The following CUL7 variants were observed in gnomAD, a reference collection of about 807,000 sequenced individuals.
CUL7 encodes the protein cullin-7.
A neutral mutation model predicts 177.7 loss-of-function variants in CUL7; 96 were observed. The ratio of observed to expected loss-of-function variants is 0.54; its 90% CI spans 0.46 to 0.64. The LOEUF (loss-of-function observed/expected upper bound fraction) is 0.64. CUL7 is among the 30% of genes least tolerant of loss of function. The pLI is 0.00. For missense variants in CUL7, 1,893 were observed against 2,187.9 expected, an observed-to-expected ratio of 0.87 and a Z score of 2.69; for synonymous variants, 824 against 890.2, an observed-to-expected ratio of 0.93 and a Z score of 1.32.
Position 43,040,621 on chromosome 6 carries a change from GAGGTGCTC to G in CUL7, c.3924_3931del (p.Ser1309Ter). Reference sequence around the variant, plus strand: ...GTGGAACTGGCGCTGCAGCTCCTTAGAGGTGCTCAGGCTCTGCAACATCTGCTGGGGGA... The same window carrying G: ...GTGGAACTGGCGCTGCAGCTCCTTAGAGGCTCTGCAACATCTGCTGGGGGA... On this transcript the variant is annotated frameshift_variant, in exon 21 of 26. Coordinates refer to ENST00000265348, the MANE Select transcript of CUL7 (RefSeq NM_014780.5). LOFTEE classifies it high-confidence loss of function. The surrounding 1 kb of genome is among the most constrained non-coding windows in gnomAD (Gnocchi z 4.2). 1 of 1,614,230 alleles carries G rather than the reference GAGGTGCTC, an allele frequency of 6.2e-7. No homozygotes were observed. The highest frequency in any genetic ancestry group is 8.5e-7 in the Non-Finnish European group (1 of 1,180,046).
chr6:43,051,633 G>A lies in CUL7; in HGVS notation c.711C>T (p.Phe237=), dbSNP rs200593675. 2.2e-5 allele frequency: 36 copies of A among 1,614,030 alleles called. No homozygotes were observed. In the South Asian group the frequency reaches 3.1e-4, roughly 14 times the overall value. The change falls in exon 3 of 26, where the codon TTC becomes TTT. Residue 237 remains phenylalanine, a synonymous_variant. Coordinates refer to ENST00000265348, the MANE Select transcript of CUL7 (RefSeq NM_014780.5). The surrounding 1 kb of genome is among the most constrained non-coding windows in gnomAD (Gnocchi z 5.0). ...TTACCTGTGGTAGCTGAATGCCCTCGAAAGACATGGGGTGTTCAGAGAGCG... is the reference window on the plus strand; with the variant it reads ...TTACCTGTGGTAGCTGAATGCCCTCAAAAGACATGGGGTGTTCAGAGAGCG... ...QATLSEHPMS[F]EGIQLPQVPG...
rs530051007 is a variant in CUL7, at chr6:43,049,486, A to G, written c.1746T>C (p.Leu582=). ...ALAGNQAYPS[L]LEAQEDVLLL... is the part of the protein sequence containing the mutation. Reference sequence around the variant, plus strand: ...GGAGGACATCTTCTTGGGCTTCTAGAAGGGATGGGTAGGCTTGGTTCCCTG... The same window carrying G: ...GGAGGACATCTTCTTGGGCTTCTAGGAGGGATGGGTAGGCTTGGTTCCCTG... The change falls in exon 7 of 26, where the codon CTT becomes CTC. Residue 582 remains leucine (L), a synonymous_variant. Transcript: ENST00000265348. The G allele has an allele frequency of 5.3e-5, 85 of 1,614,178 alleles. 1 individual carries two copies. The South Asian group carries it at 9.1e-4, about 17-fold the overall frequency.
rs755059267 is a variant in CUL7 at position 43,052,844 on chromosome 6, G to T, written c.-8-48C>A. The T allele has an allele frequency of 6.4e-7, 1 of 1,567,916 alleles. No individual in the cohort carries two copies. The highest frequency in any genetic ancestry group is 8.6e-7 in the Non-Finnish European group (1 of 1,160,484). On this transcript the variant is annotated intron_variant, in intron 1 of 25. Transcript: ENST00000265348. This position sits in a 1 kb window ranked among gnomAD's most constrained non-coding sequence, Gnocchi z 4.5. ...AACAGACAAGCTAGAGGAAGGAGAGGTCAGAAAATCAAAGATATCCAGGAG... is the reference window on the plus strand; with the variant it reads ...AACAGACAAGCTAGAGGAAGGAGAGTTCAGAAAATCAAAGATATCCAGGAG...
Position 43,045,204 on chromosome 6 carries a change from C to T in CUL7, c.3038+23G>A, listed in dbSNP as rs1379406765. The T allele has an allele frequency of 1.2e-6, 2 of 1,610,058 alleles. No individual in the cohort carries two copies. Among genetic ancestry groups the T allele is most frequent in the African/African-American group, 2.7e-5 (2 of 74,774 alleles). On this transcript the variant is annotated intron_variant, in intron 15 of 25. Coordinates refer to ENST00000265348, the MANE Select transcript of CUL7 (RefSeq NM_014780.5). The surrounding 1 kb of genome is among the most constrained non-coding windows in gnomAD (Gnocchi z 4.8). ...GCCTTACCTTTCCCACAGACACAAG[C>T]ATACACGCACACTCTCACACACCTA...
At position 43,043,618 on chromosome 6, in the gene CUL7, A is replaced by G; in HGVS notation, c.3185T>C (p.Ile1062Thr). The G allele has an allele frequency of 6.2e-7, 1 of 1,606,496 alleles. No individual in the cohort carries two copies. Among genetic ancestry groups the G allele is most frequent in the Non-Finnish European group, 8.5e-7 (1 of 1,175,672 alleles). The change falls in exon 17 of 26, where the codon ATT (isoleucine) becomes ACT (threonine). Residue 1062 changes from isoleucine to threonine, a missense_variant. Coordinates refer to ENST00000265348, the MANE Select transcript of CUL7 (RefSeq NM_014780.5). The surrounding 1 kb of genome is among the most constrained non-coding windows in gnomAD (Gnocchi z 4.2). ...QNITSPDEDG[I>T]SPLGWLLDQY... is the part of the protein sequence containing the mutation. The stretch of plus-strand genomic sequence containing the variant: ...GTCCAGCAGCCAACCCAGGGGGCTA[A>G]TGCCATCCTCATCTAGAGGGTGAGA...
chr6:43,040,307 G>A lies in CUL7; in HGVS notation c.4143C>T (p.Tyr1381=). 6.2e-7 allele frequency: 1 copy of A among 1,614,070 alleles called. No individual in the cohort carries two copies. The highest frequency in any genetic ancestry group is 8.5e-7 in the Non-Finnish European group (1 of 1,180,022). ...EEEEEENEDL[Y]YEGAMPEVSV... The stretch of plus-strand genomic sequence containing the variant: ...ACACTTCTGGCATTGCCCCTTCATA[G>A]TAGAGGTCCTCATTCTCCTCCTCTT... The change falls in exon 22 of 26, where the codon TAC becomes TAT. Residue 1381 remains tyrosine (Y), a synonymous_variant. Transcript: ENST00000265348. The surrounding 1 kb of genome is among the most constrained non-coding windows in gnomAD (Gnocchi z 4.2).
chr6:43,040,479 G>A lies in CUL7; in HGVS notation c.4023+51C>T, dbSNP rs141784862. 425 of 1,612,476 alleles carry A rather than the reference G, an allele frequency of 2.6e-4. No individual in the cohort carries two copies. In the African/African-American group the frequency reaches 5.1e-3, roughly 19 times the overall value. On this transcript the variant is annotated intron_variant, in intron 21 of 25. Coordinates refer to ENST00000265348, the MANE Select transcript of CUL7 (RefSeq NM_014780.5). This position sits in a 1 kb window ranked among gnomAD's most constrained non-coding sequence, Gnocchi z 4.2. ...CATGGCCTCCTCCAGTCTGCTCCAC[G>A]CCCCTCTTCCCCCTACCCTCTTATT... is the stretch of plus-strand genomic sequence containing the variant.
chr6:43,042,345 CT>C (rs1423561645), intron 19 of CUL7, among the ~76,000 whole-genome samples: 1 of 151,258 alleles, frequency 6.6e-6, no homozygotes, highest in South Asian at 2.1e-4. Context: ...TTGTTTTTTT[CT>C]TTTTTTTGAG....
rs1764296344 is a variant in CUL7, at chr6:43,050,453, G to A, written c.1234-55C>T. On this transcript the variant is annotated intron_variant, in intron 4 of 25. Coordinates refer to ENST00000265348, the MANE Select transcript of CUL7 (RefSeq NM_014780.5). This position sits in a 1 kb window ranked among gnomAD's most constrained non-coding sequence, Gnocchi z 4.1. The stretch of plus-strand genomic sequence containing the variant: ...GGAAGGGAGGACTCACAAATGACTG[G>A]CTGTGGCCCAGTACTGAGGACTATA... 1 of 1,608,322 alleles carries A rather than the reference G, an allele frequency of 6.2e-7. No homozygotes were observed. The highest frequency in any genetic ancestry group is 8.5e-7 in the Non-Finnish European group (1 of 1,177,046).
In CUL7 at chr6:43,051,534, C is replaced by A; in HGVS notation, c.733-66G>T. On this transcript the variant is annotated intron_variant, in intron 3 of 25. Coordinates refer to ENST00000265348, the MANE Select transcript of CUL7 (RefSeq NM_014780.5). This position sits in a 1 kb window ranked among gnomAD's most constrained non-coding sequence, Gnocchi z 5.0. ...GTTTAAGCCCCTCTCTCCATACCATCCTCTGCAGATAGGTGCAAAGGCCTG... is the reference window on the plus strand; with the variant it reads ...GTTTAAGCCCCTCTCTCCATACCATACTCTGCAGATAGGTGCAAAGGCCTG... 1 of 1,613,906 alleles carries A rather than the reference C, an allele frequency of 6.2e-7. No individual in the cohort carries two copies. The highest frequency in any genetic ancestry group is 8.5e-7 in the Non-Finnish European group (1 of 1,179,886).
rs1469785626 is a variant in CUL7 at position 43,040,445 on chromosome 6, C to T, written c.4024-19G>A. ...GGCCCACCTGAAGGAGCACAGGGTT[C>T]CCAGATGCCATGGCCTCCTCCAGTC... is the stretch of plus-strand genomic sequence containing the variant. On this transcript the variant is annotated intron_variant, in intron 21 of 25. Coordinates refer to ENST00000265348, the MANE Select transcript of CUL7 (RefSeq NM_014780.5). This position sits in a 1 kb window ranked among gnomAD's most constrained non-coding sequence, Gnocchi z 4.2. 6.2e-7 allele frequency: 1 copy of T among 1,612,232 alleles called. No individual in the cohort carries two copies. Among genetic ancestry groups the T allele is most frequent in the South Asian group, 1.1e-5 (1 of 91,086 alleles).
At chr6:43,042,337 G>GTTTTT (rs990850609) in intron 19 of CUL7, among the ~76,000 whole-genome samples, 9 of 151,626 alleles carry the variant, frequency 5.9e-5, no homozygotes, top group African/African-American at 1.9e-4. Flanking sequence ...GGGTTTTTTT[G>GTTTTT]TTTTTTTCTT....
rs1337736988 is a variant in CUL7, at chr6:43,038,638, T to A, written c.4495A>T (p.Asn1499Tyr). Residue 1499 changes from asparagine (N) to tyrosine (Y), a missense_variant, in exon 24 of 26, where the codon AAT becomes TAT. Transcript: ENST00000265348. ...AFSGLSADML[N>Y]QAIGPLTSSR... is the part of the protein sequence containing the mutation. ...GAGGTGAGGGGCCCAATCGCCTGAT[T>A]GAGCATGTCTGCGGAGAGCCCTGAG... 6.2e-7 allele frequency: 1 copy of A among 1,614,014 alleles called. No individual in the cohort carries two copies. Among genetic ancestry groups the A allele is most frequent in the South Asian group, 1.1e-5 (1 of 91,066 alleles).
rs777984752 is a variant in CUL7, at chr6:43,038,519, C to T, written c.4567+47G>A. 27 of 1,613,774 alleles carry T rather than the reference C, an allele frequency of 1.7e-5. No individual in the cohort carries two copies. The South Asian group carries it at 2.0e-4, about 12-fold the overall frequency. On this transcript the variant is annotated intron_variant, in intron 24 of 25. Coordinates refer to ENST00000265348, the MANE Select transcript of CUL7 (RefSeq NM_014780.5). ...CACTCAGTGGAGAGCCCACGAGGAGCCTGGCCCTGCCTCAGAGCAGAGGCC... is the reference window on the plus strand; with the variant it reads ...CACTCAGTGGAGAGCCCACGAGGAGTCTGGCCCTGCCTCAGAGCAGAGGCC...
At chr6:43,039,649 T>C (rs918520803) in intron 22 of CUL7, among the ~76,000 whole-genome samples, 6 of 151,732 alleles carry the variant, frequency 4.0e-5, no homozygotes, top group African/African-American at 1.5e-4. Context: ...GTTTTTCCCA[T>C]GGCCTAGGGA....
Position 43,040,711 on chromosome 6 carries a change from G to C in CUL7, c.3842C>G (p.Ser1281Trp), listed in dbSNP as rs914266418. 3 of 1,614,114 alleles carry C rather than the reference G, an allele frequency of 1.9e-6. No individual in the cohort carries two copies. The highest frequency in any genetic ancestry group is 2.5e-6 in the Non-Finnish European group (3 of 1,180,040). ...YMADRLLGVV[S>W]SWLEGAVLEQ... is the part of the protein sequence containing the mutation. ...CAGCACGGCCCCCTCCAGCCAGCTC[G>C]AGACCACGCCCAGGAGACGGTCCGC... Residue 1281 changes from serine (S) to tryptophan (W), a missense_variant, in exon 21 of 26, where the codon TCG (serine) becomes TGG (tryptophan). By Grantham distance (177) the Ser-to-Trp change is radical. This residue lies in a region of CUL7 where 973 missense variants were observed against 1,140.9 expected (regional missense o/e 0.85). Transcript: ENST00000265348. The surrounding 1 kb of genome is among the most constrained non-coding windows in gnomAD (Gnocchi z 4.2).
At position 43,050,547 on chromosome 6, in the gene CUL7, AATACACACAC is replaced by A. The variant is rs1322533067; in HGVS notation, c.1234-159_1234-150del. ...CATAACAAAACAGCAGCATATGGAG[AATACACACAC>A]ACACACACACACACACACACACACA... On this transcript the variant is annotated intron_variant, in intron 4 of 25. Coordinates refer to ENST00000265348, the MANE Select transcript of CUL7 (RefSeq NM_014780.5). This position sits in a 1 kb window ranked among gnomAD's most constrained non-coding sequence, Gnocchi z 4.1. The A allele has an allele frequency of 4.9e-6, 3 of 607,166 alleles. No individual in the cohort carries two copies. The highest frequency in any genetic ancestry group is 4.5e-5 in the African/African-American group (2 of 44,908). 37.6% of individuals were successfully genotyped at this position (607,166 alleles called of 1,614,324 possible). A position where few individuals can be genotyped will look rare whatever the true frequency, so the allele number is the denominator to read the frequency against.
In CUL7 at chr6:43,048,616, G is replaced by A. The variant is rs778295424; in HGVS notation, c.1826-47C>T. 6.3e-6 allele frequency: 8 copies of A among 1,269,634 alleles called. No homozygotes were observed. The Admixed American group carries it at 8.7e-5, about 14-fold the overall frequency. 78.6% of individuals were successfully genotyped at this position (1,269,634 alleles called of 1,614,324 possible). On this transcript the variant is annotated intron_variant, in intron 7 of 25. Transcript: ENST00000265348. ...AGGAGTTGGCCATTGTTAGTAATGT[G>A]AAGGCTCAGAAATAGATTCATAACT...
rs957560369 is a variant in CUL7, at chr6:43,045,790, A to G, written c.2767-108T>C. ...TCCCTTCCCCAGCCCTGGGATGTGT[A>G]GGGTCCTGACAAAGCTGTCCTCATG... On this transcript the variant is annotated intron_variant, in intron 13 of 25. Coordinates refer to ENST00000265348, the MANE Select transcript of CUL7 (RefSeq NM_014780.5). The surrounding 1 kb of genome is among the most constrained non-coding windows in gnomAD (Gnocchi z 4.8). 2 of 1,335,360 alleles carry G rather than the reference A, an allele frequency of 1.5e-6. No homozygotes were observed. Among genetic ancestry groups the G allele is most frequent in the Middle Eastern group, 1.8e-4 (1 of 5,598 alleles). 82.7% of individuals were successfully genotyped at this position (1,335,360 alleles called of 1,614,324 possible).
Sources: allele counts gnomAD v4.1 joint callset (sites outside exome capture counted in the v4.1 genomes callset), GRCh38; gene constraint gnomAD v4.1.1; regional missense constraint gnomAD v4.1.1; non-coding constraint Gnocchi (gnomAD v3.1); transcripts MANE v1.5; gene names NCBI Gene and HGNC (gene_info 2026-07-23, HGNC 2026-07-21).